WWC2: variants seen among roughly 807,000 people sequenced by gnomAD.
WWC2 encodes the protein WW and C2 domain containing 2.
Under a neutral mutation model 138.5 loss-of-function variants are expected in WWC2, and 101 were observed. That is an observed-to-expected ratio of 0.73 (90% CI 0.62 to 0.86). The LOEUF (loss-of-function observed/expected upper bound fraction) is 0.86. Ranked by LOEUF, WWC2 falls within the 40% of genes least tolerant of loss-of-function variation. WWC2 has a pLI of 0.00. For missense variants in WWC2, 1,420 were observed against 1,419.4 expected, an observed-to-expected ratio of 1.00 and a Z score of -0.01; for synonymous variants, 558 against 538.4, an observed-to-expected ratio of 1.04 and a Z score of -0.50.
At chr4:183,248,571 A>G (rs1036862974) in intron 6 of WWC2, 143 bp from the exon 7 acceptor site, 10 of 789,704 alleles carry the variant, frequency 1.3e-5, no homozygotes, top group African/African-American at 3.5e-5. Flanking sequence ...TATTTTTTCA[A>G]TTATATAAAA....
chr4:183,219,200 T>TA (rs1441888402), intron 4 of WWC2, among the ~76,000 whole-genome samples: 1 of 152,074 alleles, frequency 6.6e-6, no homozygotes, highest in Non-Finnish European at 1.5e-5. Flanking sequence ...AGAAAGGAGT[T>TA]ACTGTTTAAT....
chr4:183,283,017 C>T, intron 18 of WWC2, 111 bp downstream of exon 18: 1 of 1,174,800 alleles, frequency 8.5e-7, no homozygotes, highest in Non-Finnish European at 1.2e-6. Context: ...GATTTTGTGC[C>T]AAAAGCTGAT....
intron 2 of WWC2, among the ~76,000 whole-genome samples, chr4:183,206,544 A>G (rs758720188): frequency 6.6e-6 from 1 of 152,254 alleles, no homozygotes; most frequent in Non-Finnish European, 1.5e-5. Context: ...AGACTGAAAT[A>G]ACATAGTTTA....
chr4:183,268,890 T>A (rs1276728625), intron 14 of WWC2, 81 bp from the exon 15 acceptor site: 2 of 1,366,394 alleles, frequency 1.5e-6, no homozygotes. Flanking sequence ...TTTCTCTCTT[T>A]GCAGATAATT....
intron 10 of WWC2, among the ~76,000 whole-genome samples, 193 bp from the exon 11 acceptor site, chr4:183,260,717 A>G (rs756432961): frequency 3.9e-5 from 6 of 152,226 alleles, no homozygotes; most frequent in Non-Finnish European, 8.8e-5. Flanking sequence ...TCACCTAACC[A>G]TGCATTTCTC....
Position 183,319,498 on chromosome 4 carries a change from T to C in WWC2, c.*3769T>C. ...GTGAGATGACTAGAGCGGGACATCCTACCAAATCCAGTGTTGAGCAAGCGT... is the reference window on the plus strand; with the variant it reads ...GTGAGATGACTAGAGCGGGACATCCCACCAAATCCAGTGTTGAGCAAGCGT... On this transcript the variant is annotated 3_prime_UTR_variant, in exon 23 of 23. Coordinates refer to ENST00000403733, the MANE Select transcript of WWC2 (RefSeq NM_024949.6). 1.3e-6 allele frequency: 2 copies of C among 1,496,512 alleles called. No individual in the cohort carries two copies. The highest frequency in any genetic ancestry group is 1.3e-5 in the South Asian group (1 of 75,176). 92.7% of individuals were successfully genotyped at this position (1,496,512 alleles called of 1,614,324 possible).
At chr4:183,227,091 G>A (rs1223851374) in intron 4 of WWC2, among the ~76,000 whole-genome samples, 1 of 151,200 alleles carries the variant, frequency 6.6e-6, no homozygotes, top group African/African-American at 2.4e-5. Flanking sequence ...AATTCAGCCA[G>A]CCCAACCACC....
At chr4:183,287,222 G>A (rs534193535) in intron 20 of WWC2, among the ~76,000 whole-genome samples, 39 of 152,256 alleles carry the variant, frequency 2.6e-4, no homozygotes, top group Non-Finnish European at 4.3e-4. Flanking sequence ...AGGCATAAAA[G>A]AATATTTTGT....
intron 1 of WWC2, among the ~76,000 whole-genome samples, chr4:183,191,558 G>A (rs1488686474): frequency 1.3e-5 from 2 of 152,072 alleles, no homozygotes; most frequent in African/African-American, 2.4e-5. Flanking sequence ...AAAGATTTGA[G>A]CCCAGATCTC....
At chr4:183,183,139 T>C (rs1204540597) in intron 1 of WWC2, among the ~76,000 whole-genome samples, 2 of 152,192 alleles carry the variant, frequency 1.3e-5, no homozygotes, top group African/African-American at 4.8e-5. Flanking sequence ...TCAAGAATAG[T>C]ATTTCTAGGT....
chr4:183,133,160 T>G (rs1212615414), intron 1 of WWC2, among the ~76,000 whole-genome samples: 1 of 146,138 alleles, frequency 6.8e-6, no homozygotes, highest in African/African-American at 2.6e-5. Context: ...TTCTTTTTTT[T>G]TTTTTTTTGA....
At position 183,227,066 on chromosome 4, in the gene WWC2, A is replaced by G. The variant is rs116522655; in HGVS notation, c.523-13117A>G. Among the ~76,000 whole-genome samples the G allele has an allele frequency of 9.4e-3, 1,429 of 152,094 alleles. 11 individuals are homozygous for G. Among genetic ancestry groups the G allele is most frequent in the South Asian group, 0.026 (127 of 4,810 alleles). The stretch of plus-strand genomic sequence containing the variant: ...AGACAGTCACTAAACCTTCAGTGTA[A>G]GAATACTAGAATTAAATTCAGCCAG... On this transcript the variant is annotated intron_variant, in intron 4 of 22. Coordinates refer to ENST00000403733, the MANE Select transcript of WWC2 (RefSeq NM_024949.6).
intron 17 of WWC2, chr4:183,281,154 C>CT (rs35130484): frequency 0.097 from 39,330 of 404,200 alleles, 732 homozygotes; most frequent in South Asian, 0.15. Context: ...TTTTCTGAGC[C>CT]TTTTTTTTTT....
intron 1 of WWC2, among the ~76,000 whole-genome samples, chr4:183,142,131 AT>A (rs1733318614): frequency 6.6e-6 from 1 of 152,144 alleles, no homozygotes; most frequent in Non-Finnish European, 1.5e-5. Flanking sequence ...AGAAAAGAAC[AT>A]TTTCTGGACA....
chr4:183,139,949 A>T (rs767262571), intron 1 of WWC2, among the ~76,000 whole-genome samples: 32 of 152,096 alleles, frequency 2.1e-4, no homozygotes, highest in Non-Finnish European at 4.7e-4. Context: ...AGTAGGTGGG[A>T]TCATAGGTGC....
chr4:183,260,762 G>A (rs566923951), intron 10 of WWC2, 148 bp from the exon 11 acceptor site: 12 of 1,081,874 alleles, frequency 1.1e-5, no homozygotes, highest in South Asian at 1.7e-5. Context: ...ACACACGGCC[G>A]TAATATAGGG....
chr4:183,195,336 A>T (rs1042222325), intron 2 of WWC2, among the ~76,000 whole-genome samples: 1 of 152,212 alleles, frequency 6.6e-6, no homozygotes, highest in Non-Finnish European at 1.5e-5. Flanking sequence ...TCCTGGGTCA[A>T]CAAAAATAAG....
intron 4 of WWC2, among the ~76,000 whole-genome samples, chr4:183,228,139 C>A (rs1158373722): frequency 6.6e-6 from 1 of 151,890 alleles, no homozygotes; most frequent in Non-Finnish European, 1.5e-5. Context: ...CCAATCAAAT[C>A]CTAACAGAAA....
intron 19 of WWC2, 137 bp from the exon 20 acceptor site, chr4:183,285,830 G>C (rs1184826113): frequency 2.8e-6 from 2 of 715,228 alleles, no homozygotes; most frequent in Non-Finnish European, 4.6e-6. Flanking sequence ...GGAAAAACTT[G>C]TTTGAGGGGA....
Sources: allele counts gnomAD v4.1 joint callset (sites outside exome capture counted in the v4.1 genomes callset), GRCh38; gene constraint gnomAD v4.1.1; transcripts MANE v1.5; gene names NCBI Gene and HGNC (gene_info 2026-07-23, HGNC 2026-07-21).